The following PTPRM variants were observed in gnomAD, a reference collection of about 807,000 sequenced individuals.
PTPRM encodes receptor-type tyrosine-protein phosphatase mu.
In PTPRM, 47 loss-of-function variants were observed where a neutral mutation model predicts 186.7. The ratio of observed to expected loss-of-function variants is 0.25; its 90% confidence interval spans 0.20 to 0.32. PTPRM has a LOEUF of 0.32. Ranked by LOEUF, PTPRM falls within the 10% of genes least tolerant of loss-of-function variation. PTPRM has a pLI of 1.00. For missense variants in PTPRM, 1,494 were observed against 1,865.0 expected, an observed-to-expected ratio of 0.80 and a Z score of 3.66; for synonymous variants, 668 against 674.9, an observed-to-expected ratio of 0.99 and a Z score of 0.16.
intron 1 of PTPRM, among the ~76,000 whole-genome samples, chr18:7,582,015 G>T (rs762967698): frequency 5.3e-5 from 8 of 152,054 alleles, no homozygotes; most frequent in Non-Finnish European, 7.3e-5. Context: ...TTTTACATAG[G>T]TAGAAATGTG....
At chr18:8,004,268 A>T (rs1415704530) in intron 7 of PTPRM, among the ~76,000 whole-genome samples, 1 of 152,160 alleles carries the variant, frequency 6.6e-6, no homozygotes, top group African/African-American at 2.4e-5. Flanking sequence ...TATGAAAGGG[A>T]TCCATAGAAT....
chr18:7,925,898 T>C (rs1453336505), intron 4 of PTPRM, among the ~76,000 whole-genome samples: 1 of 152,190 alleles, frequency 6.6e-6, no homozygotes, highest in Non-Finnish European at 1.5e-5. Flanking sequence ...TAAACAGCTG[T>C]CCCATATGGA....
chr18:7,606,010 G>T (rs2037523186), intron 1 of PTPRM, among the ~76,000 whole-genome samples: 1 of 152,146 alleles, frequency 6.6e-6, no homozygotes, highest in African/African-American at 2.4e-5. Context: ...CTTTTCTGGA[G>T]TCCCTCTCAA....
intron 29 of PTPRM, among the ~76,000 whole-genome samples, chr18:8,381,957 T>C (rs1470725127): frequency 6.6e-6 from 1 of 152,226 alleles, no homozygotes; most frequent in Admixed American, 6.5e-5. Context: ...ATTGGAATTC[T>C]AAAGCCGCAT....
intron 2 of PTPRM, among the ~76,000 whole-genome samples, chr18:7,811,768 A>G (rs1404888633): frequency 1.3e-5 from 2 of 152,154 alleles, no homozygotes; most frequent in African/African-American, 2.4e-5. Context: ...GCACTGTTAT[A>G]TAAGTCAAGC....
At chr18:8,394,325 TAAA>T in intron 31 of PTPRM, 148 bp from the exon 32 acceptor site, 1 of 808,322 alleles carries the variant, frequency 1.2e-6, no homozygotes, top group Non-Finnish European at 1.8e-6. Flanking sequence ...TTGCTTTAAT[TAAA>T]AGAATCTGCC....
chr18:7,835,418 T>C (rs61612177), intron 2 of PTPRM, among the ~76,000 whole-genome samples: 7,160 of 152,156 alleles, frequency 0.047, 530 homozygotes, highest in African/African-American at 0.16. Flanking sequence ...TTGATTTCTT[T>C]TTTATCCCAT....
intron 7 of PTPRM, among the ~76,000 whole-genome samples, chr18:7,962,818 T>A (rs1020406333): frequency 1.3e-5 from 2 of 152,260 alleles, no homozygotes; most frequent in African/African-American, 4.8e-5. Flanking sequence ...TAGTAGTATT[T>A]GTGTTTTCTG....
At chr18:7,587,271 G>T (rs994897567) in intron 1 of PTPRM, among the ~76,000 whole-genome samples, 1 of 152,102 alleles carries the variant, frequency 6.6e-6, no homozygotes, top group Non-Finnish European at 1.5e-5. Context: ...TACTGGTTGA[G>T]TTAAACTGGG....
chr18:7,978,280 A>G (rs1386623170), intron 7 of PTPRM, among the ~76,000 whole-genome samples: 2 of 152,180 alleles, frequency 1.3e-5, no homozygotes, highest in African/African-American at 4.8e-5. Flanking sequence ...TACAGATATA[A>G]GCTGACAGGG....
intron 13 of PTPRM, among the ~76,000 whole-genome samples, chr18:8,124,178 G>A (rs1315440849): frequency 6.6e-6 from 1 of 152,030 alleles, no homozygotes; most frequent in Non-Finnish European, 1.5e-5. Flanking sequence ...CATTTACTTT[G>A]GTTTATTAGG....
chr18:8,176,135 T>C (rs2093477274), intron 14 of PTPRM, among the ~76,000 whole-genome samples: 1 of 152,210 alleles, frequency 6.6e-6, no homozygotes, highest in Non-Finnish European at 1.5e-5. Context: ...ATATTGTTAA[T>C]AGTTTCCTGA....
intron 7 of PTPRM, among the ~76,000 whole-genome samples, chr18:8,028,359 G>A (rs1324294983): frequency 6.6e-6 from 1 of 152,046 alleles, no homozygotes; most frequent in African/African-American, 2.4e-5. Flanking sequence ...ATCATTCTTA[G>A]GTATGTAGAT....
chr18:7,609,392 G>C (rs1266074021), intron 1 of PTPRM, among the ~76,000 whole-genome samples: 2 of 152,180 alleles, frequency 1.3e-5, no homozygotes, highest in African/African-American at 4.8e-5. Flanking sequence ...TGGAGGACAG[G>C]CCTAGGTGCT....
rs116353271 is a variant in PTPRM, at chr18:8,233,398, G to T, written c.2301-10660G>T. On this transcript the variant is annotated intron_variant, in intron 14 of 32. Transcript: ENST00000580170. ...TGGTGGTATCTTGTTGTTCTGATTT[G>T]CATTTTCCTTATAACATATGGTGCA... is the stretch of plus-strand genomic sequence containing the variant. 6.0e-3 allele frequency among the ~76,000 whole-genome samples: 914 copies of T among 152,264 alleles called. 8 individuals carry two copies. Among genetic ancestry groups the T allele is most frequent in the African/African-American group, 0.021 (866 of 41,550 alleles).
intron 8 of PTPRM, among the ~76,000 whole-genome samples, chr18:8,075,266 C>CTATA (rs10583079): frequency 4.0e-5 from 6 of 151,114 alleles, no homozygotes; most frequent in African/African-American, 1.5e-4. Flanking sequence ...ATCTATCTAT[C>CTATA]TATATATATA....
intron 7 of PTPRM, among the ~76,000 whole-genome samples, chr18:8,051,988 A>G (rs2087534220): frequency 6.6e-6 from 1 of 152,130 alleles, no homozygotes; most frequent in African/African-American, 2.4e-5. Flanking sequence ...CTGTGATATG[A>G]CCTAGGGATA....
chr18:8,275,444 A>C (rs1410859848), intron 19 of PTPRM, among the ~76,000 whole-genome samples: 4 of 149,022 alleles, frequency 2.7e-5, no homozygotes, highest in Non-Finnish European at 4.4e-5. Context: ...ATTCTGTAAA[A>C]AAAGAAAAGA....
At chr18:7,716,624 A>T (rs914480248) in intron 1 of PTPRM, among the ~76,000 whole-genome samples, 5 of 152,226 alleles carry the variant, frequency 3.3e-5, no homozygotes, top group African/African-American at 1.2e-4. Context: ...CAAAGTACTT[A>T]AACTTATTTA....
Sources: allele counts gnomAD v4.1 joint callset (sites outside exome capture counted in the v4.1 genomes callset), GRCh38; gene constraint gnomAD v4.1.1; transcripts MANE v1.5; gene names NCBI Gene and HGNC (gene_info 2026-07-23, HGNC 2026-07-21).